NSD3: variants seen among roughly 807,000 people sequenced by gnomAD.
NSD3 encodes the protein histone-lysine N-methyltransferase NSD3.
In NSD3, 24 loss-of-function variants were observed where a neutral mutation model predicts 160.8. The ratio of observed to expected loss-of-function variants is 0.15; its 90% CI spans 0.11 to 0.21. The LOEUF is 0.21. NSD3 is among the 10% of genes least tolerant of loss of function. NSD3 has a pLI of 1.00. For missense variants in NSD3, 1,157 were observed against 1,735.9 expected, an observed-to-expected ratio of 0.67 and a Z score of 5.93; for synonymous variants, 520 against 600.0, an observed-to-expected ratio of 0.87 and a Z score of 1.95.
rs945119856 is a variant in NSD3 at position 38,317,228 on chromosome 8, A to T, written c.1856-1186T>A. 1 of 1,062,190 alleles carries T rather than the reference A, an allele frequency of 9.4e-7. No homozygotes were observed. The highest frequency in any genetic ancestry group is 1.1e-6 in the Non-Finnish European group (1 of 877,132). 65.8% of individuals were successfully genotyped at this position (1,062,190 alleles called of 1,614,324 possible). The stretch of plus-strand genomic sequence containing the variant: ...CAGATTACTGGAACCTCGTTATCAC[A>T]TCCCATTCTACAAGTTTTTCACTGA... On this transcript the variant is annotated intron_variant, in intron 9 of 23. Transcript: ENST00000317025. The surrounding 1 kb of genome is among the most constrained non-coding windows in gnomAD (Gnocchi z 5.3).
rs955733593 is a variant in NSD3, at chr8:38,290,701, T to A, written c.2916-24A>T. The A allele has an allele frequency of 2.5e-6, 4 of 1,609,808 alleles. No homozygotes were observed. The African/African-American group carries it at 5.4e-5, about 22-fold the overall frequency. On this transcript the variant is annotated intron_variant, in intron 16 of 23. Coordinates refer to ENST00000317025, the MANE Select transcript of NSD3 (RefSeq NM_023034.2). ...ATCTGAAAACAAAAGCAATTTTAGA[T>A]CAAGAGGGCAAAAACGAAACAAAAA...
At chr8:38,374,446 G>A (rs907128182) in intron 1 of NSD3, among the ~76,000 whole-genome samples, 1 of 152,008 alleles carries the variant, frequency 6.6e-6, no homozygotes, top group Admixed American at 6.6e-5. Flanking sequence ...GACACACACA[G>A]TCTTAATTTG....
Position 38,357,118 on chromosome 8 carries a change from C to CAAA in NSD3, c.-44-8906_-44-8904dup, listed in dbSNP as rs966483645. ...TGGGTGACAAAGCAAGACACCATCT[C>CAAA]AAAAAAAAAAAAAAAAAAAAAAAAA... On this transcript the variant is annotated intron_variant, in intron 1 of 23. Transcript: ENST00000317025. Among the ~76,000 whole-genome samples the CAAA allele has an allele frequency of 6.4e-3, 136 of 21,316 alleles. 11 individuals carry two copies. Among genetic ancestry groups the CAAA allele is most frequent in the African/African-American group, 0.022 (114 of 5,080 alleles). 14.0% of individuals were successfully genotyped at this position (21,316 alleles called of 152,430 possible). A position where few individuals can be genotyped will look rare whatever the true frequency, so the allele number is the denominator to read the frequency against.
At chr8:38,307,795 G>C (rs544497154) in intron 12 of NSD3, among the ~76,000 whole-genome samples, 2 of 152,324 alleles carry the variant, frequency 1.3e-5, no homozygotes, top group African/African-American at 4.8e-5. Context: ...TAAGACTGAT[G>C]ATCGAGGGTA....
At chr8:38,330,455 C>A (rs2234550) in intron 5 of NSD3, among the ~76,000 whole-genome samples, 2 of 152,080 alleles carry the variant, frequency 1.3e-5, no homozygotes, top group East Asian at 3.9e-4. Context: ...AAAAGGTAGA[C>A]CTGAATTATA....
At chr8:38,308,528 T>C (rs2131013510) in intron 12 of NSD3, among the ~76,000 whole-genome samples, 1 of 152,284 alleles carries the variant, frequency 6.6e-6, no homozygotes, top group East Asian at 1.9e-4. Context: ...AAAAATAAAA[T>C]AGGACTTCAG....
rs1039612575 is a variant in NSD3, at chr8:38,347,909, G to A, written c.263C>T (p.Ser88Leu). The A allele has an allele frequency of 3.1e-6, 5 of 1,614,200 alleles. No homozygotes were observed. The highest frequency in any genetic ancestry group is 4.2e-6 in the Non-Finnish European group (5 of 1,180,042). Residue 88 changes from serine (S) to leucine (L), a missense_variant, in exon 2 of 24, where the codon TCA becomes TTA. Physicochemically the swap from Ser to Leu is moderately radical, Grantham distance 145. Coordinates refer to ENST00000317025, the MANE Select transcript of NSD3 (RefSeq NM_023034.2). Reference protein sequence around the residue: ...SVYETQTKYQSYNQYPNGSAN... With the variant: ...SVYETQTKYQLYNQYPNGSAN... ...TGACCCATTAGGATACTGATTATAT[G>A]ACTGGTATTTGGTTTGAGTTTCATA...
chr8:38,304,399 G>A (rs1809346853), intron 14 of NSD3, among the ~76,000 whole-genome samples, 188 bp downstream of exon 14: 2 of 152,030 alleles, frequency 1.3e-5, no homozygotes, highest in East Asian at 3.9e-4. Flanking sequence ...TAACACTTTG[G>A]ACATCTAGCA....
chr8:38,320,060 T>C (rs914176063), intron 8 of NSD3: 1 of 152,174 alleles, frequency 6.6e-6, no homozygotes, highest in African/African-American at 2.4e-5. Flanking sequence ...TTTTGGAATA[T>C]AATTTCCTAA....
At chr8:38,314,203 G>C (rs1394982154) in intron 12 of NSD3, among the ~76,000 whole-genome samples, 2 of 152,146 alleles carry the variant, frequency 1.3e-5, no homozygotes, top group East Asian at 3.8e-4. Context: ...TATGTATAGT[G>C]AGATAAGAAA....
chr8:38,346,283 C>T (rs943599812), intron 2 of NSD3, among the ~76,000 whole-genome samples: 15 of 146,146 alleles, frequency 1.0e-4, no homozygotes, highest in Admixed American at 9.0e-4. Context: ...TGTATATATA[C>T]ATATATAGTA....
intron 19 of NSD3, among the ~76,000 whole-genome samples, chr8:38,286,939 C>G (rs1164741623): frequency 6.6e-6 from 1 of 152,200 alleles, no homozygotes; most frequent in Non-Finnish European, 1.5e-5. Context: ...CACCAGCTAG[C>G]CCCTTTTCCA....
At chr8:38,364,007 C>G (rs1461477587) in intron 1 of NSD3, 3 of 151,914 alleles carry the variant, frequency 2.0e-5, no homozygotes, top group Non-Finnish European at 2.9e-5. Flanking sequence ...CGCGGTGGCT[C>G]ATGCCTGTAA....
chr8:38,363,205 A>G (rs1811027373), intron 1 of NSD3, among the ~76,000 whole-genome samples: 1 of 152,264 alleles, frequency 6.6e-6, no homozygotes, highest in Non-Finnish European at 1.5e-5. Flanking sequence ...AAATGAACAT[A>G]GGAATGGCAG....
rs930134259 is a variant in NSD3 at position 38,318,409 on chromosome 8, C to T, written c.1855+486G>A. On this transcript the variant is annotated intron_variant, in intron 9 of 23. Transcript: ENST00000317025. This position sits in a 1 kb window ranked among gnomAD's most constrained non-coding sequence, Gnocchi z 5.3. ...CTCAAATAGATTCGCATAAGGTCATCTAATAGTGGCCATAAATGCTATGAA... is the reference window on the plus strand; with the variant it reads ...CTCAAATAGATTCGCATAAGGTCATTTAATAGTGGCCATAAATGCTATGAA... Among the ~76,000 whole-genome samples the T allele has an allele frequency of 2.0e-5, 3 of 152,094 alleles. No individual in the cohort carries two copies. The highest frequency in any genetic ancestry group is 4.4e-5 in the Non-Finnish European group (3 of 68,030).
At position 38,314,860 on chromosome 8, in the gene NSD3, C is replaced by T; in HGVS notation, c.2116-87G>A. On this transcript the variant is annotated intron_variant, in intron 11 of 23. Transcript: ENST00000317025. ...GCTTGTTAAACACAAATTACCGGGT[C>T]CCTCACCCACAGACTGTGATTCAGT... The T allele has an allele frequency of 4.9e-6, 7 of 1,415,624 alleles. No individual in the cohort carries two copies. In the South Asian group the frequency reaches 6.4e-5, roughly 13 times the overall value. 87.7% of individuals were successfully genotyped at this position (1,415,624 alleles called of 1,614,324 possible).
Position 38,274,872 on chromosome 8 carries a change from TGTCAATGGAAAAC to T in NSD3, c.*756_*768del, listed in dbSNP as rs553459802. The T allele has an allele frequency of 5.0e-5, 9 of 181,108 alleles. No individual in the cohort carries two copies. The highest frequency in any genetic ancestry group is 2.1e-3 in the Middle Eastern group (1 of 472). 11.2% of individuals were successfully genotyped at this position (181,108 alleles called of 1,614,324 possible). On this transcript the variant is annotated 3_prime_UTR_variant, in exon 24 of 24. Transcript: ENST00000317025. Reference sequence around the variant, plus strand: ...CTTCATCCAAAACCCAAACCATCCATGTCAATGGAAAACGTTTTAAAAATCAGTGAGCACATCC... The same window carrying T: ...CTTCATCCAAAACCCAAACCATCCATGTTTTAAAAATCAGTGAGCACATCC...
rs777371681 is a variant in NSD3, at chr8:38,288,533, G to A, written c.3455C>T (p.Thr1152Met). Residue 1152 changes from threonine (T) to methionine (M), a missense_variant, in exon 19 of 24, where the codon ACG (threonine) becomes ATG (methionine). Around this residue, in one of 10 missense-constraint regions of NSD3, gnomAD observed 222 missense variants for 409.9 expected, o/e 0.54. Coordinates refer to ENST00000317025, the MANE Select transcript of NSD3 (RefSeq NM_023034.2). This position sits in a 1 kb window ranked among gnomAD's most constrained non-coding sequence, Gnocchi z 4.5. ...CCTGAGGCCCCAGCCTCTCCGCTCCGTTTTGATGATCTCTGCATCAGGGTA... is the reference window on the plus strand; with the variant it reads ...CCTGAGGCCCCAGCCTCTCCGCTCCATTTTGATGATCTCTGCATCAGGGTA... ...RLYPDAEIIK[T>M]ERRGWGLRTK... 14 of 1,614,114 alleles carry A rather than the reference G, an allele frequency of 8.7e-6. No individual in the cohort carries two copies. Among genetic ancestry groups the A allele is most frequent in the Admixed American group, 1.7e-5 (1 of 60,018 alleles).
At chr8:38,291,440 A>G (rs1012099658) in intron 16 of NSD3, among the ~76,000 whole-genome samples, 2 of 152,180 alleles carry the variant, frequency 1.3e-5, no homozygotes, top group African/African-American at 4.8e-5. Context: ...ATAGACTTAA[A>G]TTTTTTGAAT....
Sources: allele counts gnomAD v4.1 joint callset (sites outside exome capture counted in the v4.1 genomes callset), GRCh38; gene constraint gnomAD v4.1.1; regional missense constraint gnomAD v4.1.1; non-coding constraint Gnocchi (gnomAD v3.1); transcripts MANE v1.5; gene names NCBI Gene and HGNC (gene_info 2026-07-23, HGNC 2026-07-21).